The following SEZ6L variants were observed in gnomAD, a reference collection of about 807,000 sequenced individuals.
SEZ6L encodes seizure 6-like protein.
SEZ6L carries 37 observed loss-of-function variants against 106.2 expected under a neutral mutation model. The ratio of observed to expected loss-of-function variants is 0.35; its 90% CI spans 0.27 to 0.46. The LOEUF is 0.46. SEZ6L is among the 20% of genes least tolerant of loss of function. The probability of loss-of-function intolerance (pLI) is 1.00; values close to 1 mark genes in which losing one functional copy is unlikely to be tolerated. For synonymous variants in SEZ6L, 541 were observed against 570.4 expected (o/e 0.95, Z 0.73); for missense variants, 1,172 against 1,332.8 (o/e 0.88, Z 1.88).
intron 11 of SEZ6L, among the ~76,000 whole-genome samples, chr22:26,348,646 A>AG (rs2083122103): frequency 1.3e-4 from 1 of 7,694 alleles, no homozygotes; most frequent in East Asian, 5.2e-3. Flanking sequence ...GAAAGAAAGA[A>AG]AAAGAAAGAA....
intron 1 of SEZ6L, among the ~76,000 whole-genome samples, chr22:26,253,365 C>CTGCTGA: frequency 6.6e-6 from 1 of 152,286 alleles, no homozygotes; most frequent in East Asian, 1.9e-4. Flanking sequence ...ACTGCTGCTG[C>CTGCTGA]TGCTGATGAT....
chr22:26,186,986 A>C (rs1569361937), intron 1 of SEZ6L, among the ~76,000 whole-genome samples: 1 of 152,198 alleles, frequency 6.6e-6, no homozygotes, highest in East Asian at 1.9e-4. Flanking sequence ...ATAGGACTTG[A>C]AGGAGTTAAT....
At chr22:26,214,813 C>CA (rs577572166) in intron 1 of SEZ6L, among the ~76,000 whole-genome samples, 31 of 152,136 alleles carry the variant, frequency 2.0e-4, no homozygotes, top group Non-Finnish European at 3.5e-4. Flanking sequence ...GGGGAATAGA[C>CA]AGAGTTTGCG....
At chr22:26,368,745 T>TAA (rs60719551) in intron 13 of SEZ6L, among the ~76,000 whole-genome samples, 75,374 of 148,898 alleles carry the variant, frequency 0.51, 20,901 homozygotes, top group East Asian at 0.95. Context: ...TTTATCTACC[T>TAA]AAAAAAAAAA....
At chr22:26,259,412 G>A (rs1056052541) in intron 1 of SEZ6L, among the ~76,000 whole-genome samples, 11 of 152,334 alleles carry the variant, frequency 7.2e-5, no homozygotes, top group Admixed American at 5.9e-4. Context: ...AGGAACCCAT[G>A]TAATTGCAGC....
Position 26,348,547 on chromosome 22 carries a change from A to AAGGG in SEZ6L, c.2407+637_2407+638insGAGG, listed in dbSNP as rs1290975020. On this transcript the variant is annotated intron_variant, in intron 11 of 16. Transcript: ENST00000248933. ...GAAGGAAGGAAGGAAGGAAGGAAGGAAGGAAGGAAGGAAGGGAGGAAAGAA... is the reference window on the plus strand; with the variant it reads ...GAAGGAAGGAAGGAAGGAAGGAAGGAAGGGAGGAAGGAAGGAAGGGAGGAAAGAA... Among the ~76,000 whole-genome samples, 19 of 86,320 alleles carry AAGGG rather than the reference A, an allele frequency of 2.2e-4. 1 individual carries two copies. Among genetic ancestry groups the AAGGG allele is most frequent in the Non-Finnish European group, 2.5e-4 (11 of 44,758 alleles). The allele number at this position is 86,320 out of a possible 152,430, so 56.6% of individuals were successfully genotyped here.
chr22:26,332,501 C>G (rs757366680), intron 9 of SEZ6L, among the ~76,000 whole-genome samples: 8 of 150,482 alleles, frequency 5.3e-5, no homozygotes, highest in African/African-American at 2.0e-4. Context: ...TGCTGGAGTA[C>G]AGTGGTGCAA....
chr22:26,366,822 A>T (rs2083830189), intron 13 of SEZ6L, among the ~76,000 whole-genome samples: 1 of 151,990 alleles, frequency 6.6e-6, no homozygotes, highest in East Asian at 1.9e-4. Context: ...TTATTACTAA[A>T]TTTTTTTGTA....
intron 4 of SEZ6L, among the ~76,000 whole-genome samples, chr22:26,297,867 C>T (rs2081345687): frequency 6.6e-6 from 1 of 151,578 alleles, no homozygotes; most frequent in African/African-American, 2.4e-5. Flanking sequence ...CCTTTTCTTC[C>T]CCTCTCCTCC....
At chr22:26,202,219 A>G (rs1202449389) in intron 1 of SEZ6L, among the ~76,000 whole-genome samples, 1 of 152,136 alleles carries the variant, frequency 6.6e-6, no homozygotes, top group Admixed American at 6.6e-5. Context: ...CGGCCAAGTC[A>G]GATTTTTTTA....
intron 12 of SEZ6L, 166 bp downstream of exon 12, chr22:26,351,409 T>C (rs1601588379): frequency 1.8e-6 from 1 of 557,760 alleles, no homozygotes; most frequent in African/African-American, 1.9e-5. Context: ...GGAGCACACA[T>C]ACTATAACAT....
At chr22:26,244,163 AAAAGAAAG>A (rs147675419) in intron 1 of SEZ6L, among the ~76,000 whole-genome samples, 18 of 149,626 alleles carry the variant, frequency 1.2e-4, no homozygotes, top group African/African-American at 4.4e-4. Context: ...ACCCTATCTC[AAAAGAAAG>A]AAAGAAAGAA....
At chr22:26,183,964 T>C (rs1237260277) in intron 1 of SEZ6L, among the ~76,000 whole-genome samples, 1 of 152,174 alleles carries the variant, frequency 6.6e-6, no homozygotes, top group Non-Finnish European at 1.5e-5. Flanking sequence ...TGCATTTGAT[T>C]GTCAAAAACA....
chr22:26,375,487 C>A (rs960515344), intron 14 of SEZ6L, 88 bp from the exon 15 acceptor site: 5 of 1,048,628 alleles, frequency 4.8e-6, no homozygotes, highest in African/African-American at 1.6e-5. Flanking sequence ...GGAAAGCCGT[C>A]TCCAAAGGGG....
chr22:26,320,780 T>C (rs2082132543), intron 9 of SEZ6L, among the ~76,000 whole-genome samples: 1 of 152,184 alleles, frequency 6.6e-6, no homozygotes, highest in African/African-American at 2.4e-5. Flanking sequence ...AACCAGGGTC[T>C]ATCTTGCCCC....
chr22:26,263,085 T>C (rs1287193028), intron 1 of SEZ6L, among the ~76,000 whole-genome samples: 2 of 152,176 alleles, frequency 1.3e-5, no homozygotes, highest in Non-Finnish European at 2.9e-5. Context: ...AAAGGACTCT[T>C]GGTATCACTC....
intron 13 of SEZ6L, among the ~76,000 whole-genome samples, chr22:26,367,204 G>A (rs562932340): frequency 1.3e-5 from 2 of 152,196 alleles, no homozygotes; most frequent in East Asian, 1.9e-4. Context: ...GGTGAAAAAT[G>A]TAAGGAGGTG....
chr22:26,278,991 A>T (rs1201333901), intron 1 of SEZ6L, among the ~76,000 whole-genome samples: 1 of 111,394 alleles, frequency 9.0e-6, no homozygotes, highest in Non-Finnish European at 1.9e-5. Flanking sequence ...GGAGGGAGGA[A>T]GGAAGGAAGG....
chr22:26,340,715 T>C, intron 10 of SEZ6L, 83 bp downstream of exon 10: 1 of 1,139,048 alleles, frequency 8.8e-7, no homozygotes, highest in Non-Finnish European at 1.2e-6. Flanking sequence ...ATTTGGCAGT[T>C]TTGTACTACA....
Sources: gnomAD v4.1 joint callset for allele counts (sites outside exome capture counted in the v4.1 genomes callset) on GRCh38, gnomAD v4.1.1 for gene constraint, MANE v1.5 for transcripts, NCBI Gene and HGNC (gene_info 2026-07-23, HGNC 2026-07-21) for gene names.